TSN: variants seen among roughly 807,000 people sequenced by gnomAD.
TSN encodes component 3 of promoter of RISC.
TSN carries 5 observed loss-of-function variants against 29.4 expected under a neutral mutation model. The ratio of observed to expected loss-of-function variants is 0.17; its 90% CI spans 0.09 to 0.36. The LOEUF is 0.36. Among genes scored for constraint, TSN ranks in the 10% least tolerant of loss-of-function variants. The pLI, the probability that TSN is intolerant of heterozygous loss-of-function variation, is 1.00. For missense variants in TSN, 159 were observed against 272.8 expected, an observed-to-expected ratio of 0.58 and a Z score of 2.94; for synonymous variants, 106 against 102.2, an observed-to-expected ratio of 1.04 and a Z score of -0.23.
intron 5 of TSN, 143 bp downstream of exon 5, chr2:121,763,227 C>T: frequency 1.8e-6 from 1 of 555,514 alleles, no homozygotes; most frequent in Non-Finnish European, 2.9e-6. Flanking sequence ...ACTGCAAGCT[C>T]CGCCTCCCGA....
At chr2:121,759,110 A>G (rs1349962485) in intron 3 of TSN, among the ~76,000 whole-genome samples, 1 of 152,240 alleles carries the variant, frequency 6.6e-6, no homozygotes, top group African/African-American at 2.4e-5. Context: ...GTGAAATTGG[A>G]TGAACTATAG....
At chr2:121,763,952 C>T (rs893104956) in intron 5 of TSN, among the ~76,000 whole-genome samples, 12 of 152,182 alleles carry the variant, frequency 7.9e-5, no homozygotes, top group African/African-American at 2.9e-4. Context: ...ATCTTTGGCC[C>T]TAGGTTCTTC....
chr2:121,755,671 G>A lies in TSN; in HGVS notation c.-109G>A, dbSNP rs915621254. The A allele has an allele frequency of 3.2e-5, 46 of 1,451,806 alleles. No individual in the cohort carries two copies. Among genetic ancestry groups the A allele is most frequent in the Non-Finnish European group, 3.5e-5 (37 of 1,053,052 alleles). The allele number at this position is 1,451,806 out of a possible 1,614,324, so 89.9% of individuals were successfully genotyped here. ...GCGACGGTCGTGGCGTAAGACCGGG[G>A]GGACGCGGCGGTAGCGGCGGCCGTT... On this transcript the variant is annotated 5_prime_UTR_variant, in exon 1 of 6. Coordinates refer to ENST00000389682, the MANE Select transcript of TSN (RefSeq NM_004622.3).
Position 121,767,796 on chromosome 2 carries a change from A to G in TSN, c.*2429A>G, listed in dbSNP as rs996173570. The G allele has an allele frequency of 2.0e-5, 3 of 152,160 alleles. No homozygotes were observed. Among genetic ancestry groups the G allele is most frequent in the African/African-American group, 7.2e-5 (3 of 41,442 alleles). The allele number at this position is 152,160 out of a possible 1,614,324, so 9.4% of individuals were successfully genotyped here. A position where few individuals can be genotyped will look rare whatever the true frequency, so the allele number is the denominator to read the frequency against. ...CAAACATGCAGGTCGCTACTGGCAT[A>G]GTTTCATAATTGTGTACTCGGAAAT... is the stretch of plus-strand genomic sequence containing the variant. On this transcript the variant is annotated 3_prime_UTR_variant, in exon 6 of 6. Transcript: ENST00000389682.
At chr2:121,758,844 TA>T (rs761076639) in intron 3 of TSN, 38 bp downstream of exon 3, 60 of 1,388,044 alleles carry the variant, frequency 4.3e-5, no homozygotes, top group African/African-American at 1.0e-4. Flanking sequence ...TAATGTTAAG[TA>T]AAAAAAAGGA....
At chr2:121,757,382 G>T in intron 2 of TSN, 49 bp downstream of exon 2, 1 of 1,612,154 alleles carries the variant, frequency 6.2e-7, no homozygotes, top group Non-Finnish European at 8.5e-7. Context: ...TTTAGAGGGA[G>T]AGTTTCTATC....
intron 5 of TSN, among the ~76,000 whole-genome samples, chr2:121,763,951 C>G (rs2074869059): frequency 6.6e-6 from 1 of 152,152 alleles, no homozygotes; most frequent in African/African-American, 2.4e-5. Context: ...GATCTTTGGC[C>G]CTAGGTTCTT....
chr2:121,764,343 G>T (rs552695446), intron 5 of TSN, among the ~76,000 whole-genome samples: 23 of 152,186 alleles, frequency 1.5e-4, no homozygotes, highest in African/African-American at 5.1e-4. Flanking sequence ...AGTCGCTTAC[G>T]CTTGTAATGC....
At chr2:121,762,015 G>A (rs2074837455) in intron 4 of TSN, among the ~76,000 whole-genome samples, 1 of 148,640 alleles carries the variant, frequency 6.7e-6, no homozygotes, top group South Asian at 2.1e-4. Context: ...TTTCCGAAAT[G>A]GAGTTTTGCT....
At chr2:121,764,814 C>T (rs2074880872) in intron 5 of TSN, among the ~76,000 whole-genome samples, 3 of 152,122 alleles carry the variant, frequency 2.0e-5, no homozygotes, top group Admixed American at 1.3e-4. Context: ...ATTATTTTGT[C>T]GTTTCTTTCT....
At chr2:121,762,232 TC>T (rs2106455701) in intron 4 of TSN, among the ~76,000 whole-genome samples, 1 of 152,320 alleles carries the variant, frequency 6.6e-6, no homozygotes, top group South Asian at 2.1e-4. Flanking sequence ...CCTCAGGTGA[TC>T]CGCCTGCCTC....
intron 2 of TSN, among the ~76,000 whole-genome samples, chr2:121,757,905 A>G (rs112623205): frequency 0.012 from 1,778 of 151,798 alleles, 37 homozygotes; most frequent in African/African-American, 0.04. Context: ...ACCTCAGATG[A>G]TCCGCCTGGC....
chr2:121,760,308 C>G (rs931655535), intron 3 of TSN, among the ~76,000 whole-genome samples: 6 of 152,192 alleles, frequency 3.9e-5, no homozygotes, highest in Non-Finnish European at 8.8e-5. Flanking sequence ...ATCCTGAAAC[C>G]ATCCGCCCCC....
At chr2:121,758,639 CT>C in intron 2 of TSN, 70 bp from the exon 3 acceptor site, 1 of 1,138,500 alleles carries the variant, frequency 8.8e-7, no homozygotes, top group East Asian at 2.7e-5. Flanking sequence ...AGATAGATTA[CT>C]TAGATTATTA....
At position 121,761,509 on chromosome 2, in the gene TSN, A is replaced by C; in HGVS notation, c.358A>C (p.Thr120Pro). The change falls in exon 4 of 6, where the codon ACA becomes CCA. Residue 120 changes from threonine to proline, a missense_variant. By Grantham distance (38) the Thr-to-Pro change is conservative (BLOSUM62 -1). This residue lies in a region of TSN where 85 missense variants were observed against 178.1 expected (regional missense o/e 0.48). Transcript: ENST00000389682. Reference sequence around the variant, plus strand: ...AACACTAGTGACTCGAGAAGCAGTTACAGAAATTCTTGGCAGTAAGTGTCT... The same window carrying C: ...AACACTAGTGACTCGAGAAGCAGTTCCAGAAATTCTTGGCAGTAAGTGTCT... ...TETLVTREAV[T>P]EILGIEPDRE... is the part of the protein sequence containing the mutation. 1 of 1,613,936 alleles carries C rather than the reference A, an allele frequency of 6.2e-7. No individual in the cohort carries two copies. Among genetic ancestry groups the C allele is most frequent in the Non-Finnish European group, 8.5e-7 (1 of 1,179,790 alleles).
chr2:121,755,895 GC>G, intron 1 of TSN, 50 bp downstream of exon 1: 1 of 1,611,544 alleles, frequency 6.2e-7, no homozygotes, highest in Non-Finnish European at 8.5e-7. Flanking sequence ...GCCTAGTTGG[GC>G]CACTTCGCCC....
intron 5 of TSN, among the ~76,000 whole-genome samples, chr2:121,764,677 A>G (rs2074879004): frequency 6.6e-6 from 1 of 151,694 alleles, no homozygotes; most frequent in Non-Finnish European, 1.5e-5. Flanking sequence ...TTACACTAAC[A>G]TAATTTTAGA....
At chr2:121,756,908 CAAAAAAAAAA>C (rs548676853) in intron 1 of TSN, among the ~76,000 whole-genome samples, 2 of 63,886 alleles carry the variant, frequency 3.1e-5, no homozygotes, top group African/African-American at 1.1e-4. Flanking sequence ...GACTCCGTCT[CAAAAAAAAAA>C]AAAAAAAGAA....
In TSN at chr2:121,757,578, G is replaced by A. The variant is rs568151397; in HGVS notation, c.160+245G>A. On this transcript the variant is annotated intron_variant, in intron 2 of 5. Coordinates refer to ENST00000389682, the MANE Select transcript of TSN (RefSeq NM_004622.3). ...ATTACAATTGCTTAACCCATTTCCT[G>A]TTTAGAAAAAAAAAGTGCAGCTCTC... The A allele has an allele frequency of 4.6e-5, 29 of 632,396 alleles. No homozygotes were observed. In the Admixed American group the frequency reaches 6.5e-4, roughly 14 times the overall value. The allele number at this position is 632,396 out of a possible 1,614,324, so 39.2% of individuals were successfully genotyped here.
Sources: allele counts gnomAD v4.1 joint callset (sites outside exome capture counted in the v4.1 genomes callset), GRCh38; gene constraint gnomAD v4.1.1; regional missense constraint gnomAD v4.1.1; transcripts MANE v1.5; gene names NCBI Gene and HGNC (gene_info 2026-07-23, HGNC 2026-07-21).